Variants in RFC2 observed in about 807,000 individuals in gnomAD.
RFC2 encodes A1 40 kDa subunit.
RFC2 carries 34 observed loss-of-function variants against 44.8 expected under a neutral mutation model. The observed-to-expected ratio is 0.76, with a 90% CI of 0.58 to 1.01. The LOEUF is 1.01. RFC2 is among the 50% of genes least tolerant of loss of function. RFC2 has a pLI of 0.00. For synonymous variants in RFC2, 177 were observed against 168.9 expected, an observed-to-expected ratio of 1.05 and a Z score of -0.37; for missense variants, 400 against 453.6, an observed-to-expected ratio of 0.88 and a Z score of 1.07.
At chr7:74,243,326 C>T in intron 5 of RFC2, 80 bp from the exon 6 acceptor site, 1 of 908,666 alleles carries the variant, frequency 1.1e-6, no homozygotes, top group Non-Finnish European at 1.8e-6. Context: ...AAACCCAGGA[C>T]ATAAGACACA....
rs571739364 is a variant in RFC2 at position 74,238,051 on chromosome 7, C to A, written c.760-609G>T. ...GGCTCCAGAGGTCACCCACACCTGC[C>A]CTTGCCTTTTCCCGGTGGAAGCCAT... On this transcript the variant is annotated intron_variant, in intron 8 of 10. Coordinates refer to ENST00000055077, the MANE Select transcript of RFC2 (RefSeq NM_181471.3). This position sits in a 1 kb window ranked among gnomAD's most constrained non-coding sequence, Gnocchi z 4.0. 6.6e-6 allele frequency among the ~76,000 whole-genome samples: 1 copy of A among 152,188 alleles called. No homozygotes were observed. Among genetic ancestry groups the A allele is most frequent in the African/African-American group, 2.4e-5 (1 of 41,534 alleles).
chr7:74,248,545 G>A (rs1407495176), intron 4 of RFC2, among the ~76,000 whole-genome samples: 6 of 151,750 alleles, frequency 4.0e-5, no homozygotes, highest in Non-Finnish European at 8.8e-5. Flanking sequence ...CGTCACCCAG[G>A]CTGGAGTGCT....
chr7:74,240,178 T>G (rs1803249937), intron 6 of RFC2, 83 bp from the exon 7 acceptor site: 1 of 1,317,840 alleles, frequency 7.6e-7, no homozygotes, highest in Admixed American at 1.9e-5. Context: ...AGGCTGCAGC[T>G]GCACAATCCA....
At chr7:74,235,684 A>T in intron 9 of RFC2, 39 bp from the exon 10 acceptor site, 2 of 1,359,774 alleles carry the variant, frequency 1.5e-6, no homozygotes, top group Non-Finnish European at 2.1e-6. Context: ...TACCACTTTA[A>T]ACTGTAAGAA....
At chr7:74,248,969 T>A (rs781915286) in intron 4 of RFC2, 43 bp downstream of exon 4, 2 of 1,383,228 alleles carry the variant, frequency 1.4e-6, no homozygotes, top group South Asian at 2.3e-5. Flanking sequence ...CAATTCTCAA[T>A]GCAGAGCACC....
At chr7:74,251,549 C>T (rs1564001094) in intron 2 of RFC2, among the ~76,000 whole-genome samples, 1 of 152,122 alleles carries the variant, frequency 6.6e-6, no homozygotes, top group Non-Finnish European at 1.5e-5. Context: ...CCTGTAATCC[C>T]AGCACTTTGG....
At chr7:74,244,620 C>T (rs1803499837) in intron 5 of RFC2, among the ~76,000 whole-genome samples, 2 of 151,838 alleles carry the variant, frequency 1.3e-5, no homozygotes, top group Non-Finnish European at 2.9e-5. Flanking sequence ...CTGCCCGCCT[C>T]GGCCTCCCAA....
At chr7:74,237,196 C>T (rs1374082478) in intron 9 of RFC2, 166 bp downstream of exon 9, 2 of 555,414 alleles carry the variant, frequency 3.6e-6, no homozygotes, top group African/African-American at 3.7e-5. Context: ...TCACTGCAGC[C>T]TTGACCTCCA....
chr7:74,251,330 C>T (rs140241062), intron 2 of RFC2, among the ~76,000 whole-genome samples: 1 of 152,152 alleles, frequency 6.6e-6, no homozygotes, highest in Admixed American at 6.6e-5. Flanking sequence ...TCAGACTCTA[C>T]AGGCATGTGC....
intron 6 of RFC2, among the ~76,000 whole-genome samples, chr7:74,242,854 T>C (rs1188004132): frequency 2.1e-5 from 3 of 143,240 alleles, no homozygotes; most frequent in African/African-American, 7.9e-5. Context: ...ACCTTGGAGG[T>C]GGAGGTTGCA....
intron 3 of RFC2, 160 bp from the exon 4 acceptor site, chr7:74,249,278 C>T (rs1803798923): frequency 7.4e-7 from 1 of 1,356,272 alleles, no homozygotes; most frequent in Non-Finnish European, 1.0e-6. Context: ...CAGTGGCTCA[C>T]ACCTATAATC....
chr7:74,241,075 C>T (rs1251049126), intron 6 of RFC2, among the ~76,000 whole-genome samples: 5 of 152,190 alleles, frequency 3.3e-5, no homozygotes, highest in South Asian at 2.1e-4. Flanking sequence ...GGATTACAGG[C>T]GCACGCTATC....
intron 5 of RFC2, among the ~76,000 whole-genome samples, chr7:74,245,604 T>A (rs1563995410): frequency 6.7e-6 from 1 of 149,544 alleles, no homozygotes; most frequent in Non-Finnish European, 1.5e-5. Flanking sequence ...TCCCAGCTAC[T>A]CGAGAGGCTG....
intron 2 of RFC2, among the ~76,000 whole-genome samples, chr7:74,251,756 C>T (rs1197057322): frequency 6.9e-6 from 1 of 145,752 alleles, no homozygotes; most frequent in African/African-American, 2.6e-5. Flanking sequence ...TGAGATGGCG[C>T]CACTGCACTC....
chr7:74,243,817 A>C (rs1346695411), intron 5 of RFC2, among the ~76,000 whole-genome samples: 1 of 151,032 alleles, frequency 6.6e-6, no homozygotes, highest in Non-Finnish European at 1.5e-5. Flanking sequence ...TAAAAAATAC[A>C]AAAAAGCCTG....
chr7:74,249,053 T>C lies in RFC2; in HGVS notation c.291A>G (p.Ala97=). 1.9e-6 allele frequency: 3 copies of C among 1,614,006 alleles called. No individual in the cohort carries two copies. Among genetic ancestry groups the C allele is most frequent in the South Asian group, 1.1e-5 (1 of 91,086 alleles). ...LCLARALLGP[A]LKDAMLELNA... The stretch of plus-strand genomic sequence containing the variant: ...TGAGTTCCAACATGGCATCTTTGAG[T>C]GCTGGGCCCAGCAGGGCCCGGGCCA... Residue 97 remains alanine (A), a synonymous_variant, in exon 4 of 11, where the codon GCA becomes GCG. Coordinates refer to ENST00000055077, the MANE Select transcript of RFC2 (RefSeq NM_181471.3).
chr7:74,254,317 C>A lies in RFC2; in HGVS notation c.67G>T (p.Ala23Ser), dbSNP rs376625414. 16 of 1,612,594 alleles carry A rather than the reference C, an allele frequency of 9.9e-6. No homozygotes were observed. The highest frequency in any genetic ancestry group is 1.6e-4 in the Middle Eastern group (1 of 6,076). ...VEAQDSDPAP[A>S]FSKAPGSAGH... Reference sequence around the variant, plus strand: ...GCGCTGCCGGGGGCCTTGCTGAAGGCAGGGGCAGGGTCAGAGTCCTGGGCC... The same window carrying A: ...GCGCTGCCGGGGGCCTTGCTGAAGGAAGGGGCAGGGTCAGAGTCCTGGGCC... The change falls in exon 1 of 11, where the codon GCC becomes TCC. Residue 23 changes from alanine to serine, a missense_variant. Transcript: ENST00000055077.
chr7:74,244,402 G>A (rs1803490474), intron 5 of RFC2, among the ~76,000 whole-genome samples: 1 of 151,230 alleles, frequency 6.6e-6, no homozygotes, highest in South Asian at 2.1e-4. Context: ...GCCCAGGCTG[G>A]TGTGCACTGG....
chr7:74,242,455 C>G (rs1803385250), intron 6 of RFC2, among the ~76,000 whole-genome samples: 1 of 152,096 alleles, frequency 6.6e-6, no homozygotes, highest in African/African-American at 2.4e-5. Flanking sequence ...AATACCTCCT[C>G]ATAGGATTAT....
Sources: gnomAD v4.1 joint callset for allele counts (sites outside exome capture counted in the v4.1 genomes callset) on GRCh38, gnomAD v4.1.1 for gene constraint, Gnocchi (gnomAD v3.1) non-coding constraint, MANE v1.5 for transcripts, NCBI Gene and HGNC (gene_info 2026-07-23, HGNC 2026-07-21) for gene names.